The following ADAMTS16 variants were observed in gnomAD, a reference collection of about 807,000 sequenced individuals.
The protein encoded by ADAMTS16 is ADAM metallopeptidase with thrombospondin type 1 motif 16, also known as A disintegrin and metalloproteinase with thrombospondin motifs 16.
ADAMTS16 carries 94 observed loss-of-function variants against 145.8 expected under a neutral mutation model. That is an observed-to-expected ratio of 0.64 (90% CI 0.55 to 0.77). The LOEUF (loss-of-function observed/expected upper bound fraction) is 0.77, where lower values mean the gene tolerates loss of function less well. ADAMTS16 is among the 30% of genes least tolerant of loss of function. The pLI is 0.00. For missense variants in ADAMTS16, 1,585 were observed against 1,591.5 expected (o/e 1.00, Z 0.07); for synonymous variants, 659 against 604.3 (o/e 1.09, Z -1.33).
chr5:5,285,128 A>C (rs1201693988), intron 18 of ADAMTS16, among the ~76,000 whole-genome samples: 1 of 152,234 alleles, frequency 6.6e-6, no homozygotes, highest in Non-Finnish European at 1.5e-5. Flanking sequence ...GATAAAAAAG[A>C]AGTTTCAGAG....
rs200419820 is a variant in ADAMTS16, at chr5:5,212,189, G to GTTT, written c.1605+2943_1605+2944insTTT. Among the ~76,000 whole-genome samples the GTTT allele has an allele frequency of 7.1e-5, 7 of 98,714 alleles. 1 individual carries two copies. The highest frequency in any genetic ancestry group is 6.9e-5 in the Non-Finnish European group (3 of 43,202). The allele number at this position is 98,714 out of a possible 152,430, so 64.8% of individuals were successfully genotyped here. ...TCATGTTAGTACTATTAGTTTCTGGGGTTTTTTTTGTTTTGTTTTGTTTTG... is the reference window on the plus strand; with the variant it reads ...TCATGTTAGTACTATTAGTTTCTGGGTTTGTTTTTTTTGTTTTGTTTTGTTTTG... On this transcript the variant is annotated intron_variant, in intron 10 of 22. Transcript: ENST00000274181.
intron 21 of ADAMTS16, among the ~76,000 whole-genome samples, chr5:5,307,249 C>T (rs182666156): frequency 2.0e-5 from 3 of 152,276 alleles, no homozygotes; most frequent in East Asian, 1.9e-4. Flanking sequence ...TTTCTGCTTT[C>T]GGGTCGGGGT....
intron 17 of ADAMTS16, among the ~76,000 whole-genome samples, chr5:5,247,620 C>G (rs1417584957): frequency 1.3e-5 from 2 of 152,228 alleles, no homozygotes; most frequent in African/African-American, 4.8e-5. Flanking sequence ...TCCCACGTTC[C>G]CACTACGTGG....
At chr5:5,252,477 A>T (rs1285314699) in intron 17 of ADAMTS16, among the ~76,000 whole-genome samples, 2 of 152,110 alleles carry the variant, frequency 1.3e-5, no homozygotes, top group African/African-American at 4.8e-5. Flanking sequence ...GTGAGTGTAG[A>T]CGCCTTAGTG....
chr5:5,277,402 G>A (rs1418448348), intron 18 of ADAMTS16, among the ~76,000 whole-genome samples: 4 of 152,210 alleles, frequency 2.6e-5, no homozygotes, highest in Non-Finnish European at 5.9e-5. Context: ...TAGGGCCAAC[G>A]TGCTAGAGAG....
intron 4 of ADAMTS16, among the ~76,000 whole-genome samples, chr5:5,183,720 T>A (rs1482502194): frequency 1.3e-5 from 2 of 152,138 alleles, no homozygotes; most frequent in Non-Finnish European, 2.9e-5. Flanking sequence ...TGCAAGGCAG[T>A]AGAGATGACC....
In ADAMTS16 at chr5:5,272,973, G is replaced by A. The variant is rs147424226; in HGVS notation, c.2789+10190G>A. Among the ~76,000 whole-genome samples the A allele has an allele frequency of 5.0e-3, 765 of 152,270 alleles. 4 individuals are homozygous for A. The highest frequency in any genetic ancestry group is 0.023 in the South Asian group (110 of 4,820). ...AGTTTTACTCAACTTTGGAGTACTT[G>A]CAGGGGGAAGAAGTAACCATGAGGG... On this transcript the variant is annotated intron_variant, in intron 18 of 22. Transcript: ENST00000274181.
chr5:5,273,743 C>T (rs1738574520), intron 18 of ADAMTS16, among the ~76,000 whole-genome samples: 2 of 152,212 alleles, frequency 1.3e-5, no homozygotes, highest in Admixed American at 1.3e-4. Flanking sequence ...CAGGTACAGA[C>T]ATTGGCCTGC....
intron 9 of ADAMTS16, among the ~76,000 whole-genome samples, chr5:5,207,711 AT>A (rs71604112): frequency 0.051 from 7,413 of 146,766 alleles, 194 homozygotes; most frequent in Middle Eastern, 0.076. Flanking sequence ...GTTTGCTGGG[AT>A]TTTTTTTTTT....
At chr5:5,248,874 T>C (rs999502570) in intron 17 of ADAMTS16, among the ~76,000 whole-genome samples, 9 of 152,220 alleles carry the variant, frequency 5.9e-5, no homozygotes, top group Non-Finnish European at 1.3e-4. Context: ...TTAAATTCAC[T>C]TTTGTGTCTT....
chr5:5,228,672 G>A (rs893911689), intron 11 of ADAMTS16, among the ~76,000 whole-genome samples: 5 of 152,122 alleles, frequency 3.3e-5, no homozygotes, highest in Admixed American at 2.0e-4. Context: ...TATAACAAGT[G>A]TAAACAGTGT....
intron 2 of ADAMTS16, chr5:5,142,493 C>T (rs1734194003): frequency 6.6e-6 from 1 of 152,310 alleles, no homozygotes; most frequent in African/African-American, 2.4e-5. Context: ...ATGTGTGAGT[C>T]TGGACATCCA....
intron 7 of ADAMTS16, among the ~76,000 whole-genome samples, 162 bp from the exon 8 acceptor site, chr5:5,191,523 C>G (rs190043380): frequency 6.6e-6 from 1 of 152,136 alleles, no homozygotes; most frequent in Non-Finnish European, 1.5e-5. Context: ...CCTTCCCCTA[C>G]CTTATCAAGT....
chr5:5,180,171 T>A (rs927579322), intron 3 of ADAMTS16, among the ~76,000 whole-genome samples: 3 of 152,064 alleles, frequency 2.0e-5, no homozygotes, highest in Non-Finnish European at 2.9e-5. Context: ...AAATTTAGAA[T>A]GGACATTGGA....
chr5:5,186,314 G>C (rs1735498806), intron 5 of ADAMTS16, 63 bp downstream of exon 5: 1 of 1,325,256 alleles, frequency 7.5e-7, no homozygotes, highest in Non-Finnish European at 1.1e-6. Flanking sequence ...GTGTGTGTGT[G>C]TGTGTGTGTG....
chr5:5,193,114 T>A (rs573248556), intron 8 of ADAMTS16, among the ~76,000 whole-genome samples: 5 of 152,234 alleles, frequency 3.3e-5, no homozygotes, highest in Admixed American at 3.3e-4. Context: ...GAAAATGGAC[T>A]GAGGCCTCAG....
chr5:5,275,348 C>T (rs1179554498), intron 18 of ADAMTS16, among the ~76,000 whole-genome samples: 1 of 151,980 alleles, frequency 6.6e-6, no homozygotes, highest in Non-Finnish European at 1.5e-5. Flanking sequence ...TTTGAGACTT[C>T]CTTTATGGCT....
chr5:5,291,099 A>C (rs1739293856), intron 18 of ADAMTS16, among the ~76,000 whole-genome samples: 1 of 152,114 alleles, frequency 6.6e-6, no homozygotes, highest in African/African-American at 2.4e-5. Flanking sequence ...CCAAAATCAC[A>C]TAGTTCCATG....
chr5:5,292,651 C>T (rs572906629), intron 18 of ADAMTS16, among the ~76,000 whole-genome samples: 7 of 152,260 alleles, frequency 4.6e-5, no homozygotes, highest in African/African-American at 1.7e-4. Context: ...GTGTGGCCTC[C>T]GTGACCCTCC....
Sources: gnomAD v4.1 joint callset for allele counts (sites outside exome capture counted in the v4.1 genomes callset) on GRCh38, gnomAD v4.1.1 for gene constraint, MANE v1.5 for transcripts, NCBI Gene and HGNC (gene_info 2026-07-23, HGNC 2026-07-21) for gene names.